The following ADCY2 variants were observed in gnomAD, a reference collection of about 807,000 sequenced individuals.
The protein encoded by ADCY2 is adenylate cyclase 2.
ADCY2 carries 31 observed loss-of-function variants against 125.2 expected under a neutral mutation model. The ratio of observed to expected loss-of-function variants is 0.25; its 90% CI spans 0.19 to 0.33. The LOEUF (loss-of-function observed/expected upper bound fraction) is 0.33. Among genes scored for constraint, ADCY2 ranks in the 10% least tolerant of loss-of-function variants. ADCY2 has a pLI of 1.00. For missense variants in ADCY2, 904 were observed against 1,418.2 expected (o/e 0.64, Z 5.82); for synonymous variants, 512 against 548.4 (o/e 0.93, Z 0.93).
At chr5:7,575,876 A>G (rs551219902) in intron 3 of ADCY2, among the ~76,000 whole-genome samples, 3 of 152,228 alleles carry the variant, frequency 2.0e-5, no homozygotes, top group Non-Finnish European at 2.9e-5. Context: ...TTTAAAATGA[A>G]TTACCTCTAA....
chr5:7,515,254 A>G (rs1744212879), intron 2 of ADCY2, among the ~76,000 whole-genome samples: 1 of 152,260 alleles, frequency 6.6e-6, no homozygotes, highest in Non-Finnish European at 1.5e-5. Flanking sequence ...GCTTGGCTCC[A>G]CAAAAGAGCT....
chr5:7,707,853 A>G lies in ADCY2; in HGVS notation c.1401+15A>G, dbSNP rs372469100. 3.7e-6 allele frequency: 6 copies of G among 1,612,170 alleles called. No homozygotes were observed. In the African/African-American group the frequency reaches 8.0e-5, roughly 22 times the overall value. On this transcript the variant is annotated intron_variant, in intron 9 of 24. Coordinates refer to ENST00000338316, the MANE Select transcript of ADCY2 (RefSeq NM_020546.3). ...TCAACCCCAAGGTCAGTATCATTGT[A>G]AAGAGTCTATGATGAAAAGGGAGGA...
rs139657413 is a variant in ADCY2 at position 7,607,085 on chromosome 5, A to G, written c.571-19082A>G. 4.8e-3 allele frequency among the ~76,000 whole-genome samples: 732 copies of G among 152,102 alleles called. 11 individuals are homozygous for G. The highest frequency in any genetic ancestry group is 0.017 in the African/African-American group (686 of 41,480). ...CTTCGCTTCCCTCCCTTTTTGTCCC[A>G]CACCACCTCAGCTTCATCTGAGTTT... On this transcript the variant is annotated intron_variant, in intron 3 of 24. Coordinates refer to ENST00000338316, the MANE Select transcript of ADCY2 (RefSeq NM_020546.3).
At chr5:7,544,068 C>G in intron 3 of ADCY2, among the ~76,000 whole-genome samples, 1 of 148,824 alleles carries the variant, frequency 6.7e-6, no homozygotes, top group Non-Finnish European at 1.5e-5. Context: ...GAGAGCAAGT[C>G]AGCTCCCTAG....
intron 2 of ADCY2, among the ~76,000 whole-genome samples, chr5:7,518,520 C>A (rs1316334558): frequency 6.6e-6 from 1 of 152,094 alleles, no homozygotes; most frequent in African/African-American, 2.4e-5. Flanking sequence ...CCTTCAGAGT[C>A]TTTATTTTTA....
At chr5:7,465,537 G>A in intron 2 of ADCY2, among the ~76,000 whole-genome samples, 1 of 152,184 alleles carries the variant, frequency 6.6e-6, no homozygotes, top group East Asian at 1.9e-4. Flanking sequence ...ATTGGTAGAG[G>A]CTCTGCAGAG....
At chr5:7,742,161 C>T (rs1005306347) in intron 14 of ADCY2, among the ~76,000 whole-genome samples, 2 of 149,280 alleles carry the variant, frequency 1.3e-5, no homozygotes, top group African/African-American at 4.9e-5. Flanking sequence ...AGAGCTCCTT[C>T]GTAAAACAGA....
intron 24 of ADCY2, 120 bp from the exon 25 acceptor site, chr5:7,826,599 C>T (rs1431140437): frequency 7.7e-7 from 1 of 1,301,350 alleles, no homozygotes; most frequent in African/African-American, 1.5e-5. Flanking sequence ...ACTAACTTCT[C>T]AGGAGTGGAA....
At chr5:7,718,491 G>A (rs1050858253) in intron 12 of ADCY2, among the ~76,000 whole-genome samples, 4 of 152,110 alleles carry the variant, frequency 2.6e-5, no homozygotes, top group Admixed American at 1.3e-4. Flanking sequence ...TATTTACAGG[G>A]CTTATGAAAG....
intron 3 of ADCY2, among the ~76,000 whole-genome samples, chr5:7,543,864 A>T (rs1008019580): frequency 1.3e-5 from 2 of 151,774 alleles, no homozygotes; most frequent in African/African-American, 4.8e-5. Flanking sequence ...ATACAAAAAA[A>T]TTAGCTGGGC....
At chr5:7,406,793 C>T (rs897835754) in intron 1 of ADCY2, among the ~76,000 whole-genome samples, 2 of 152,198 alleles carry the variant, frequency 1.3e-5, no homozygotes, top group Non-Finnish European at 2.9e-5. Context: ...ACACAAATCT[C>T]TCAAAACTTA....
chr5:7,613,486 G>A (rs1264872136), intron 3 of ADCY2, among the ~76,000 whole-genome samples: 57 of 152,210 alleles, frequency 3.7e-4, no homozygotes, highest in Admixed American at 3.7e-3. Flanking sequence ...CATGATTGGC[G>A]GTGGGGGGTG....
At position 7,414,431 on chromosome 5, in the gene ADCY2, AACTGTTCT is replaced by A. The variant is rs1340255926; in HGVS notation, c.211-138_211-131del. On this transcript the variant is annotated intron_variant, in intron 1 of 24. Coordinates refer to ENST00000338316, the MANE Select transcript of ADCY2 (RefSeq NM_020546.3). ...ATGAAACTTGAATTTTAAATGTTCAAACTGTTCTACTTTCAAAACAATTTCTTAAACCC... is the reference window on the plus strand; with the variant it reads ...ATGAAACTTGAATTTTAAATGTTCAAACTTTCAAAACAATTTCTTAAACCC... 34 of 629,818 alleles carry A rather than the reference AACTGTTCT, an allele frequency of 5.4e-5. 1 individual carries two copies. Among genetic ancestry groups the A allele is most frequent in the African/African-American group, 4.0e-4 (21 of 52,998 alleles). The allele number at this position is 629,818 out of a possible 1,614,324, so 39.0% of individuals were successfully genotyped here. A position where few individuals can be genotyped will look rare whatever the true frequency, so the allele number is the denominator to read the frequency against.
At chr5:7,397,445 GTTTTTTTTTTTTTTT>G (rs767411861) in intron 1 of ADCY2, among the ~76,000 whole-genome samples, 11 of 70,098 alleles carry the variant, frequency 1.6e-4, no homozygotes, top group Non-Finnish European at 2.2e-4. Flanking sequence ...CCACCAGTGA[GTTTTTTTTTTTTTTT>G]TTTTTTTTTT....
chr5:7,478,607 A>C (rs890363335), intron 2 of ADCY2, among the ~76,000 whole-genome samples: 1 of 152,178 alleles, frequency 6.6e-6, no homozygotes, highest in African/African-American at 2.4e-5. Flanking sequence ...CTAATGTTTT[A>C]TGGTAAGGCT....
At chr5:7,543,334 T>G (rs1424029588) in intron 3 of ADCY2, among the ~76,000 whole-genome samples, 6 of 151,786 alleles carry the variant, frequency 4.0e-5, no homozygotes, top group African/African-American at 1.5e-4. Flanking sequence ...CTAATTAATA[T>G]CTCAATTGAT....
chr5:7,570,655 A>G (rs904823026), intron 3 of ADCY2, among the ~76,000 whole-genome samples: 2 of 152,084 alleles, frequency 1.3e-5, no homozygotes, highest in East Asian at 3.9e-4. Flanking sequence ...GTTTGGGAGT[A>G]AAAAACAGCC....
At chr5:7,557,320 G>T (rs554758519) in intron 3 of ADCY2, among the ~76,000 whole-genome samples, 1 of 152,012 alleles carries the variant, frequency 6.6e-6, no homozygotes, top group South Asian at 2.1e-4. Flanking sequence ...CATGGGACTG[G>T]TAACATGTTA....
At chr5:7,661,124 A>C (rs1211618427) in intron 4 of ADCY2, among the ~76,000 whole-genome samples, 2 of 152,136 alleles carry the variant, frequency 1.3e-5, no homozygotes, top group Non-Finnish European at 2.9e-5. Flanking sequence ...ATATCTCTAA[A>C]GCTTGGGGCA....
Sources: allele counts gnomAD v4.1 joint callset (sites outside exome capture counted in the v4.1 genomes callset), GRCh38; gene constraint gnomAD v4.1.1; transcripts MANE v1.5; gene names NCBI Gene and HGNC (gene_info 2026-07-23, HGNC 2026-07-21).